Variants in ANXA2 observed in about 807,000 individuals in gnomAD.
ANXA2 encodes annexin A2, also known as annexin II.
Under a neutral mutation model 47.3 loss-of-function variants are expected in ANXA2, and 28 were observed. That is an observed-to-expected ratio of 0.59 (90% CI 0.44 to 0.81). The LOEUF (loss-of-function observed/expected upper bound fraction) is 0.81, where lower values mean the gene tolerates loss of function less well. Ranked by LOEUF, ANXA2 falls within the 40% of genes least tolerant of loss-of-function variation. The pLI, the probability that ANXA2 is intolerant of heterozygous loss-of-function variation, is 0.00. For synonymous variants in ANXA2, 172 were observed against 155.5 expected (o/e 1.11, Z -0.79); for missense variants, 384 against 414.3 (o/e 0.93, Z 0.64).
Position 60,382,328 on chromosome 15 carries a change from A to C in ANXA2, c.148+14T>G. ...GTAAGACCCTGACAAGAAGAGGACA[A>C]ATGTATCACCTACCTTTGGTCTTGA... is the stretch of plus-strand genomic sequence containing the variant. On this transcript the variant is annotated intron_variant, in intron 3 of 12. Coordinates refer to ENST00000451270, the MANE Select transcript of ANXA2 (RefSeq NM_004039.3). 5 of 1,603,852 alleles carry C rather than the reference A, an allele frequency of 3.1e-6. No homozygotes were observed. Among genetic ancestry groups the C allele is most frequent in the Non-Finnish European group, 4.3e-6 (5 of 1,170,776 alleles).
intron 1 of ANXA2, chr15:60,393,740 C>A (rs548026892): frequency 1.1e-6 from 1 of 947,978 alleles, no homozygotes; most frequent in Admixed American, 6.2e-5. Context: ...TGTGTCTGTG[C>A]AACATTAGAG....
intron 2 of ANXA2, among the ~76,000 whole-genome samples, chr15:60,385,377 C>T (rs901365968): frequency 7.2e-5 from 11 of 152,236 alleles, no homozygotes; most frequent in African/African-American, 2.2e-4. Flanking sequence ...ACCATCCTGG[C>T]CAACATGGTG....
Position 60,355,829 on chromosome 15 carries a change from GGA to G in ANXA2, c.528+88_528+89del, listed in dbSNP as rs2062420790. 3 of 1,080,264 alleles carry G rather than the reference GGA, an allele frequency of 2.8e-6. No individual in the cohort carries two copies. In the African/African-American group the frequency reaches 4.6e-5, roughly 17 times the overall value. The allele number at this position is 1,080,264 out of a possible 1,614,324, so 66.9% of individuals were successfully genotyped here. A position where few individuals can be genotyped will look rare whatever the true frequency, so the allele number is the denominator to read the frequency against. ...GCTGAATTTCTGATGCAGGCACAGGGGATTTAGTTAATTCACTCCAAGTATAA... is the reference window on the plus strand; with the variant it reads ...GCTGAATTTCTGATGCAGGCACAGGGTTTAGTTAATTCACTCCAAGTATAA... On this transcript the variant is annotated intron_variant, in intron 7 of 12. Coordinates refer to ENST00000451270, the MANE Select transcript of ANXA2 (RefSeq NM_004039.3).
intron 12 of ANXA2, among the ~76,000 whole-genome samples, chr15:60,348,337 C>T (rs532061970): frequency 6.2e-4 from 94 of 152,268 alleles, no homozygotes; most frequent in Non-Finnish European, 1.1e-3. Context: ...ACTGCAAATG[C>T]GACATCACAT....
rs1476025701 is a variant in ANXA2 at position 60,361,039 on chromosome 15, G to T, written c.259C>A (p.Leu87Met). The change falls in exon 5 of 13, where the codon CTG (leucine) becomes ATG (methionine). Residue 87 changes from leucine to methionine, a missense_variant. By Grantham distance (15) the Leu-to-Met change is conservative. Transcript: ENST00000451270. ...AGGTGGCCAGATAAGGCTGACTTCA[G>T]TGCTGATGCAAGTTCCTTCAAGATA... ...RRTKKELASA[L>M]KSALSGHLET... The T allele has an allele frequency of 8.1e-6, 13 of 1,611,576 alleles. No homozygotes were observed. The highest frequency in any genetic ancestry group is 1.1e-5 in the Non-Finnish European group (13 of 1,177,764).
intron 5 of ANXA2, among the ~76,000 whole-genome samples, chr15:60,359,454 T>C (rs1299305967): frequency 6.6e-6 from 1 of 152,170 alleles, no homozygotes; most frequent in Non-Finnish European, 1.5e-5. Context: ...TCAACCAGGA[T>C]CATGAAATGT....
At chr15:60,397,411 C>A in intron 1 of ANXA2, 2 of 742,390 alleles carry the variant, frequency 2.7e-6, no homozygotes, top group Non-Finnish European at 1.6e-6. Context: ...ACTCACACTC[C>A]CCCCTCTCGT....
intron 10 of ANXA2, 116 bp from the exon 11 acceptor site, chr15:60,351,367 A>G: frequency 2.9e-6 from 3 of 1,020,438 alleles, no homozygotes; most frequent in Non-Finnish European, 1.5e-6. Flanking sequence ...GCAATGGAAA[A>G]GGGCTGCAAA....
chr15:60,362,885 A>G (rs2062536609), intron 4 of ANXA2: 1 of 151,918 alleles, frequency 6.6e-6, no homozygotes, highest in South Asian at 2.1e-4. Flanking sequence ...ACCAAGATCT[A>G]GGTTTTGGGT....
chr15:60,385,847 T>C (rs1179243711), intron 2 of ANXA2, 181 bp downstream of exon 2: 4 of 521,686 alleles, frequency 7.7e-6, no homozygotes, highest in African/African-American at 2.2e-5. Flanking sequence ...TCCAGTGCCA[T>C]GATATTTCCT....
chr15:60,364,377 A>G, intron 4 of ANXA2, 52 bp downstream of exon 4: 1 of 1,461,850 alleles, frequency 6.8e-7, no homozygotes. Flanking sequence ...GCAATGTCTG[A>G]GGAAACAAAA....
chr15:60,397,782 A>G (rs1186105690), intron 1 of ANXA2, 161 bp downstream of exon 1: 2 of 916,360 alleles, frequency 2.2e-6, no homozygotes, highest in Non-Finnish European at 2.6e-6. Flanking sequence ...CCCCCTCCCC[A>G]AAGACTCTCC....
chr15:60,392,351 C>G (rs2063023897), intron 1 of ANXA2, among the ~76,000 whole-genome samples: 1 of 150,522 alleles, frequency 6.6e-6, no homozygotes, highest in Non-Finnish European at 1.5e-5. Flanking sequence ...CTTTTAATGG[C>G]AAAAACCACA....
chr15:60,352,527 C>G lies in ANXA2; in HGVS notation c.589-51G>C, dbSNP rs1319106830. On this transcript the variant is annotated intron_variant, in intron 8 of 12. Transcript: ENST00000451270. The surrounding 1 kb of genome is among the most constrained non-coding windows in gnomAD (Gnocchi z 4.2). ...GTTAACTACACATCCAATGTAACGTCAAAAAAAATGTCATGCAAAAAAAAC... is the reference window on the plus strand; with the variant it reads ...GTTAACTACACATCCAATGTAACGTGAAAAAAAATGTCATGCAAAAAAAAC... The G allele has an allele frequency of 6.2e-6, 8 of 1,297,376 alleles. No homozygotes were observed. In the East Asian group the frequency reaches 1.6e-4, roughly 27 times the overall value. 80.4% of individuals were successfully genotyped at this position (1,297,376 alleles called of 1,614,324 possible).
rs45502696 is a variant in ANXA2, at chr15:60,383,377, T to C, written c.49-936A>G. The C allele has an allele frequency of 4.6e-3, 708 of 152,390 alleles. 3 individuals carry two copies. The highest frequency in any genetic ancestry group is 7.6e-3 in the Non-Finnish European group (521 of 68,148). The allele number at this position is 152,390 out of a possible 1,614,324, so 9.4% of individuals were successfully genotyped here. ...CTCCTGGGCTCTAGTGATCCTCCCA[T>C]CTTGGCCTCCCAAAGTGCTGGGATT... On this transcript the variant is annotated intron_variant, in intron 2 of 12. Coordinates refer to ENST00000451270, the MANE Select transcript of ANXA2 (RefSeq NM_004039.3).
chr15:60,349,897 G>A (rs1324857014), intron 11 of ANXA2, among the ~76,000 whole-genome samples: 35 of 71,356 alleles, frequency 4.9e-4, no homozygotes, highest in Middle Eastern at 6.2e-3. Flanking sequence ...GGAGAAGGCA[G>A]GGAGGCAGGG....
At chr15:60,355,284 A>G (rs1045791291) in intron 7 of ANXA2, 2 of 157,374 alleles carry the variant, frequency 1.3e-5, no homozygotes, top group South Asian at 1.9e-4. Context: ...AAGAGAGGAG[A>G]GCGAGGGAGA....
intron 1 of ANXA2, chr15:60,390,493 G>A (rs1474759188): frequency 5.9e-6 from 3 of 507,216 alleles, no homozygotes; most frequent in Non-Finnish European, 1.2e-5. Context: ...ATGACAAGAA[G>A]CAGAGTGACT....
chr15:60,387,546 G>C (rs905950063), intron 1 of ANXA2, among the ~76,000 whole-genome samples: 2 of 152,180 alleles, frequency 1.3e-5, no homozygotes, highest in African/African-American at 4.8e-5. Flanking sequence ...CAACTGAAAA[G>C]GTAATACAGT....
Sources: gnomAD v4.1 joint callset for allele counts (sites outside exome capture counted in the v4.1 genomes callset) on GRCh38, gnomAD v4.1.1 for gene constraint, Gnocchi (gnomAD v3.1) non-coding constraint, MANE v1.5 for transcripts, NCBI Gene and HGNC (gene_info 2026-07-23, HGNC 2026-07-21) for gene names.